The following ARHGEF9 variants were observed in gnomAD, a reference collection of about 807,000 sequenced individuals.
ARHGEF9 encodes Cdc42 guanine nucleotide exchange factor 9, also known as rho guanine nucleotide exchange factor 9.
Under a neutral mutation model 41.3 loss-of-function variants are expected in ARHGEF9, and 2 were observed. That is an observed-to-expected ratio of 0.05 (90% confidence interval 0.02 to 0.15). ARHGEF9 has a LOEUF of 0.15. Among genes scored for constraint, ARHGEF9 ranks in the 10% least tolerant of loss-of-function variants. The pLI is 1.00. For missense variants in ARHGEF9, 225 were observed against 424.7 expected (o/e 0.53, Z 4.13); for synonymous variants, 160 against 154.4 (o/e 1.04, Z -0.27).
chrX:63,774,312 C>T (rs782198351), intron 1 of ARHGEF9, among the ~76,000 whole-genome samples: 89 of 111,563 alleles, frequency 8.0e-4, no homozygotes, highest in Non-Finnish European at 1.2e-3. Flanking sequence ...ACTTCTACAA[C>T]AGACATTCAT....
In ARHGEF9 at chrX:63,635,706, G is replaced by A. The variant is rs1351982160; in HGVS notation, c.*2322C>T. The A allele has an allele frequency of 8.5e-6, 2 of 236,146 alleles. No individual in the cohort carries two copies. The highest frequency in any genetic ancestry group is 1.5e-5 in the Non-Finnish European group (2 of 136,449). The allele number at this position is 236,146 out of a possible 1,213,427, so 19.5% of individuals were successfully genotyped here. ...GCCCTGGGCAGAAGCCCCAAGGAGG[G>A]AGGAAATGAGAGGGCCTAGTCAAGA... On this transcript the variant is annotated 3_prime_UTR_variant, in exon 10 of 10. Coordinates refer to ENST00000671741, the MANE Select transcript of ARHGEF9 (RefSeq NM_001353921.2).
At chrX:63,731,939 T>C (rs1436699966) in intron 1 of ARHGEF9, 1 of 111,732 alleles carries the variant, frequency 8.9e-6, no homozygotes, top group Non-Finnish European at 1.9e-5. Flanking sequence ...GCTCTGGTAT[T>C]CTACTGAGGC....
At chrX:63,726,597 C>T (rs1303564319) in intron 1 of ARHGEF9, 1 of 111,566 alleles carries the variant, frequency 9.0e-6, no homozygotes, top group African/African-American at 3.3e-5. Context: ...ACCTCAGCCT[C>T]CCAAAGTGCT....
chrX:63,732,575 G>A (rs1373618898), intron 1 of ARHGEF9, among the ~76,000 whole-genome samples: 1 of 111,372 alleles, frequency 9.0e-6, no homozygotes, highest in Admixed American at 9.5e-5. Flanking sequence ...ATTTTTGCTA[G>A]TATCACTCCT....
At chrX:63,676,476 T>A (rs1272099851) in intron 5 of ARHGEF9, among the ~76,000 whole-genome samples, 6 of 112,332 alleles carry the variant, frequency 5.3e-5, no homozygotes, top group Admixed American at 3.8e-4. Flanking sequence ...ATGGAAACAC[T>A]CTACATTTGT....
At chrX:63,703,152 T>C (rs1221776850) in intron 3 of ARHGEF9, 1 of 112,439 alleles carries the variant, frequency 8.9e-6, no homozygotes, top group Non-Finnish European at 1.9e-5. Context: ...AGGAGATAGC[T>C]CCCATTTAAA....
At chrX:63,711,404 C>T (rs2052923165) in intron 2 of ARHGEF9, among the ~76,000 whole-genome samples, 1 of 111,661 alleles carries the variant, frequency 9.0e-6, no homozygotes. Context: ...GATTTCAAAA[C>T]TTACTACAAA....
At chrX:63,681,365 T>C (rs1240725332) in intron 4 of ARHGEF9, among the ~76,000 whole-genome samples, 2 of 112,050 alleles carry the variant, frequency 1.8e-5, no homozygotes, top group African/African-American at 6.5e-5. Flanking sequence ...AAATAAGTCT[T>C]AGCAAATTTA....
At position 63,635,289 on chromosome X, in the gene ARHGEF9, G is replaced by C; in HGVS notation, c.*2739C>G. ...TAGAAATATACACATAGAGAGGGGG[G>C]GAAAAAGAGAGAATAATTAGATGTC... On this transcript the variant is annotated 3_prime_UTR_variant, in exon 10 of 10. Coordinates refer to ENST00000671741, the MANE Select transcript of ARHGEF9 (RefSeq NM_001353921.2). The C allele has an allele frequency of 1.9e-6, 1 of 515,792 alleles. No homozygotes were observed. The highest frequency in any genetic ancestry group is 3.5e-6 in the Non-Finnish European group (1 of 283,931). 42.5% of individuals were successfully genotyped at this position (515,792 alleles called of 1,213,427 possible).
chrX:63,717,747 T>C (rs1556411083), intron 2 of ARHGEF9, among the ~76,000 whole-genome samples: 2 of 112,248 alleles, frequency 1.8e-5, no homozygotes, highest in Admixed American at 9.4e-5. Flanking sequence ...GATCCCATTG[T>C]CAGTGCTCTT....
At chrX:63,725,181 C>T (rs1479798009) in intron 1 of ARHGEF9, among the ~76,000 whole-genome samples, 2 of 110,670 alleles carry the variant, frequency 1.8e-5, no homozygotes, top group African/African-American at 6.6e-5. Flanking sequence ...TTATTTAACC[C>T]CACCGTGACC....
chrX:63,767,132 T>G, intron 1 of ARHGEF9: 1 of 940,155 alleles, frequency 1.1e-6, no homozygotes, highest in Non-Finnish European at 1.5e-6. Context: ...TTACAGGCCA[T>G]GCTGTGACAA....
At chrX:63,783,149 C>T (rs1556463296) in intron 1 of ARHGEF9, among the ~76,000 whole-genome samples, 1 of 112,022 alleles carries the variant, frequency 8.9e-6, no homozygotes, top group South Asian at 3.7e-4. Flanking sequence ...TTAATTTAAC[C>T]TGTTGTCAAT....
intron 4 of ARHGEF9, among the ~76,000 whole-genome samples, chrX:63,687,305 G>C (rs782048128): frequency 6.5e-4 from 73 of 111,549 alleles, no homozygotes; most frequent in Non-Finnish European, 1.2e-3. Flanking sequence ...GGTTCAGGGT[G>C]CCATCTAGTG....
chrX:63,652,379 A>G (rs182271106), intron 8 of ARHGEF9, among the ~76,000 whole-genome samples: 86 of 111,662 alleles, frequency 7.7e-4, no homozygotes, highest in Middle Eastern at 9.2e-3. Flanking sequence ...TATTCCCTAA[A>G]CAATACAGTA....
chrX:63,641,440 T>C (rs1186519348), intron 9 of ARHGEF9: 3 of 110,135 alleles, frequency 2.7e-5, no homozygotes, highest in African/African-American at 9.9e-5. Context: ...GAAAGAAAAC[T>C]GTTCAAGTGA....
chrX:63,745,832 T>C (rs1556433016), intron 1 of ARHGEF9, among the ~76,000 whole-genome samples: 2 of 111,560 alleles, frequency 1.8e-5, no homozygotes, highest in Admixed American at 9.5e-5. Flanking sequence ...CCATCTCCAC[T>C]CTTCTAATTC....
In ARHGEF9 at chrX:63,642,830, A is replaced by G. The variant is rs1315914499; in HGVS notation, c.1390+1150T>C. 3 of 111,637 alleles carry G rather than the reference A, an allele frequency of 2.7e-5. No homozygotes were observed. In the East Asian group the frequency reaches 8.4e-4, roughly 31 times the overall value. The allele number at this position is 111,637 out of a possible 1,213,427, so 9.2% of individuals were successfully genotyped here. Reference sequence around the variant, plus strand: ...CCTGGGGACAGTGAACATGGCTATCAGTAATAGAAGCAGCTGTCAGTAATT... The same window carrying G: ...CCTGGGGACAGTGAACATGGCTATCGGTAATAGAAGCAGCTGTCAGTAATT... On this transcript the variant is annotated intron_variant, in intron 9 of 9. Transcript: ENST00000671741.
chrX:63,678,818 G>A (rs1481205828), intron 4 of ARHGEF9, among the ~76,000 whole-genome samples: 5 of 111,436 alleles, frequency 4.5e-5, no homozygotes, highest in Non-Finnish European at 9.4e-5. Flanking sequence ...TTCTGTAAAA[G>A]AAGGGTAATA....
Sources: gnomAD v4.1 joint callset for allele counts (sites outside exome capture counted in the v4.1 genomes callset) on GRCh38, gnomAD v4.1.1 for gene constraint, MANE v1.5 for transcripts, NCBI Gene and HGNC (gene_info 2026-07-23, HGNC 2026-07-21) for gene names.